Variants in GABRA2 observed in about 807,000 individuals in gnomAD.
The protein encoded by GABRA2 is gamma-aminobutyric acid type A receptor subunit alpha2.
A neutral mutation model predicts 48.7 loss-of-function variants in GABRA2; 16 were observed. That is an observed-to-expected ratio of 0.33 (90% CI 0.22 to 0.50). GABRA2 has a LOEUF of 0.50. Ranked by LOEUF, GABRA2 falls within the 20% of genes least tolerant of loss-of-function variation. GABRA2 has a pLI of 0.98. For synonymous variants in GABRA2, 185 were observed against 184.5 expected (o/e 1.00, Z -0.02); for missense variants, 275 against 535.6 (o/e 0.51, Z 4.80).
chr4:46,284,738 A>T (rs554340676), intron 8 of GABRA2, among the ~76,000 whole-genome samples: 24 of 152,134 alleles, frequency 1.6e-4, no homozygotes, highest in African/African-American at 5.5e-4. Flanking sequence ...CGCCATAAAG[A>T]CCTCAGAGGT....
At chr4:46,292,542 G>C (rs1342270641) in intron 8 of GABRA2, among the ~76,000 whole-genome samples, 1 of 152,160 alleles carries the variant, frequency 6.6e-6, no homozygotes, top group East Asian at 1.9e-4. Flanking sequence ...AACAGATTTG[G>C]ATCAGGCTGA....
Position 46,369,120 on chromosome 4 carries a change from C to T in GABRA2, c.187+16954G>A, listed in dbSNP as rs1239489537. ...AATAGGGTAGGGCTAGGTTAATATA[C>T]TCAAACGTTTCCTTGGGGCAGCACA... On this transcript the variant is annotated intron_variant, in intron 3 of 9. Coordinates refer to ENST00000381620, the MANE Select transcript of GABRA2 (RefSeq NM_000807.4). 25 of 619,648 alleles carry T rather than the reference C, an allele frequency of 4.0e-5. No individual in the cohort carries two copies. In the Admixed American group the frequency reaches 6.0e-4, roughly 15 times the overall value. The allele number at this position is 619,648 out of a possible 1,614,324, so 38.4% of individuals were successfully genotyped here. A position where few individuals can be genotyped will look rare whatever the true frequency, so the allele number is the denominator to read the frequency against.
intron 9 of GABRA2, among the ~76,000 whole-genome samples, chr4:46,253,128 T>G (rs934296335): frequency 6.6e-6 from 1 of 151,340 alleles, no homozygotes; most frequent in Non-Finnish European, 1.5e-5. Flanking sequence ...GGAACTAAGG[T>G]GTAGGATTTA....
chr4:46,278,420 G>C (rs1273744101), intron 8 of GABRA2, among the ~76,000 whole-genome samples: 1 of 152,048 alleles, frequency 6.6e-6, no homozygotes, highest in African/African-American at 2.4e-5. Context: ...TAAACATGAG[G>C]TCAGAATCTG....
rs1188856693 is a variant in GABRA2, at chr4:46,386,160, T to A, written c.101A>T (p.Glu34Val). 1 of 1,610,676 alleles carries A rather than the reference T, an allele frequency of 6.2e-7. No individual in the cohort carries two copies. The highest frequency in any genetic ancestry group is 8.5e-7 in the Non-Finnish European group (1 of 1,178,538). ...AAAGATGGTAATGTTATTTTTAGCCTCATCTTCTTGGATGTTAGCCAGCAC... is the reference window on the plus strand; with the variant it reads ...AAAGATGGTAATGTTATTTTTAGCCACATCTTCTTGGATGTTAGCCAGCAC... ...RLVLANIQEDEAKNNITIFTR... is the reference protein window; with the variant it reads ...RLVLANIQEDVAKNNITIFTR... Residue 34 changes from glutamate to valine, a missense_variant, in exon 3 of 10, where the codon GAG becomes GTG. Glu to Val is a moderately radical substitution (Grantham distance 121). Transcript: ENST00000381620.
intron 8 of GABRA2, among the ~76,000 whole-genome samples, chr4:46,284,118 T>C (rs1024770364): frequency 2.0e-5 from 3 of 151,474 alleles, no homozygotes; most frequent in African/African-American, 7.3e-5. Flanking sequence ...CTCAATATAA[T>C]ATTAAGAAAA....
intron 3 of GABRA2, among the ~76,000 whole-genome samples, chr4:46,354,933 C>CT (rs57698652): frequency 0.05 from 7,647 of 152,168 alleles, 661 homozygotes; most frequent in African/African-American, 0.17. Flanking sequence ...CCACCTGTGT[C>CT]TCAGATTATA....
intron 4 of GABRA2, among the ~76,000 whole-genome samples, chr4:46,314,804 C>A (rs1195994045): frequency 6.6e-6 from 1 of 152,106 alleles, no homozygotes; most frequent in African/African-American, 2.4e-5. Flanking sequence ...CATGTTGCTG[C>A]AGAGCGCAAG....
intron 2 of GABRA2, 113 bp from the exon 3 acceptor site, chr4:46,386,302 C>A (rs1242303850): frequency 4.9e-6 from 3 of 608,534 alleles, no homozygotes; most frequent in Non-Finnish European, 8.5e-6. Context: ...TTAGTACCAC[C>A]CGTTTTCCTC....
At chr4:46,294,564 G>C (rs1475749272) in intron 8 of GABRA2, among the ~76,000 whole-genome samples, 1 of 152,146 alleles carries the variant, frequency 6.6e-6, no homozygotes, top group Non-Finnish European at 1.5e-5. Flanking sequence ...ACAGGTCCAG[G>C]CTGCTGTGTA....
At chr4:46,283,569 G>A (rs1721941836) in intron 8 of GABRA2, among the ~76,000 whole-genome samples, 2 of 152,066 alleles carry the variant, frequency 1.3e-5, no homozygotes, top group African/African-American at 4.8e-5. Context: ...TAGAACTAAG[G>A]AGAAAAATGA....
intron 8 of GABRA2, among the ~76,000 whole-genome samples, chr4:46,296,668 GA>G (rs764729572): frequency 2.6e-4 from 36 of 135,886 alleles, no homozygotes; most frequent in Admixed American, 1.3e-3. Flanking sequence ...AAAAAAAAAA[GA>G]AAAAAAAAAA....
intron 8 of GABRA2, among the ~76,000 whole-genome samples, chr4:46,275,650 C>A (rs1161078931): frequency 6.6e-6 from 1 of 152,118 alleles, no homozygotes; most frequent in African/African-American, 2.4e-5. Context: ...CCTATATAAA[C>A]CGCCCCAATG....
intron 3 of GABRA2, among the ~76,000 whole-genome samples, chr4:46,340,596 G>A (rs1051404337): frequency 4.6e-5 from 7 of 151,860 alleles, no homozygotes; most frequent in Non-Finnish European, 1.0e-4. Flanking sequence ...GTTGATATTG[G>A]ATATTACAGC....
At chr4:46,291,537 C>T (rs1723619719) in intron 8 of GABRA2, among the ~76,000 whole-genome samples, 1 of 152,056 alleles carries the variant, frequency 6.6e-6, no homozygotes, top group African/African-American at 2.4e-5. Context: ...AAGATCTAAT[C>T]AACTGCCAGC....
At chr4:46,307,558 T>A (rs1726916171) in intron 6 of GABRA2, among the ~76,000 whole-genome samples, 1 of 152,088 alleles carries the variant, frequency 6.6e-6, no homozygotes, top group Admixed American at 6.6e-5. Context: ...ACTAATGAGA[T>A]ACTGATAGGC....
chr4:46,389,559 G>T, intron 1 of GABRA2, 176 bp downstream of exon 1: 1 of 410,300 alleles, frequency 2.4e-6, no homozygotes, highest in South Asian at 1.0e-4. Flanking sequence ...ATATGCTTCT[G>T]GTGATAAGTA....
intron 4 of GABRA2, among the ~76,000 whole-genome samples, chr4:46,313,448 G>T (rs1728018429): frequency 1.3e-5 from 2 of 151,938 alleles, no homozygotes; most frequent in Non-Finnish European, 2.9e-5. Context: ...CTTAAATTAT[G>T]ACTATCTTGC....
At chr4:46,352,111 T>C (rs1483601324) in intron 3 of GABRA2, among the ~76,000 whole-genome samples, 2 of 152,016 alleles carry the variant, frequency 1.3e-5, no homozygotes, top group Non-Finnish European at 2.9e-5. Context: ...ATTCGCCCCA[T>C]GTTTGCCTTC....
Sources: gnomAD v4.1 joint callset for allele counts (sites outside exome capture counted in the v4.1 genomes callset) on GRCh38, gnomAD v4.1.1 for gene constraint, MANE v1.5 for transcripts, NCBI Gene and HGNC (gene_info 2026-07-23, HGNC 2026-07-21) for gene names.